Variants in RAB30 observed in about 807,000 individuals in gnomAD.
The protein encoded by RAB30 is ras-related protein Rab-30.
RAB30 carries 9 observed loss-of-function variants against 25.1 expected under a neutral mutation model. The observed-to-expected ratio is 0.36, with a 90% CI of 0.22 to 0.63. RAB30 has a LOEUF of 0.63. RAB30 is among the 20% of genes least tolerant of loss of function. The pLI is 0.69. For missense variants in RAB30, 140 were observed against 243.5 expected (o/e 0.58, Z 2.83); for synonymous variants, 77 against 86.4 (o/e 0.89, Z 0.60).
chr11:83,052,995 A>G (rs1305498582), intron 1 of RAB30, among the ~76,000 whole-genome samples: 1 of 152,184 alleles, frequency 6.6e-6, no homozygotes, highest in Non-Finnish European at 1.5e-5. Context: ...GTGATCTACC[A>G]CCTCAGAGAG....
Position 83,029,395 on chromosome 11 carries a change from T to TTTA in RAB30, c.-8-32074_-8-32072dup, listed in dbSNP as rs559075318. 4.1e-3 allele frequency among the ~76,000 whole-genome samples: 625 copies of TTTA among 151,218 alleles called. 2 individuals carry two copies. Among genetic ancestry groups the TTTA allele is most frequent in the East Asian group, 0.022 (112 of 5,128 alleles). The stretch of plus-strand genomic sequence containing the variant: ...CCTATTTTTTTCTTTGCTTAAATAT[T>TTTA]TTATTATTATTATTATTATTATTTT... On this transcript the variant is annotated intron_variant, in intron 1 of 4. Coordinates refer to ENST00000527633, the MANE Select transcript of RAB30 (RefSeq NM_001286060.2).
intron 1 of RAB30, among the ~76,000 whole-genome samples, chr11:83,005,544 A>C (rs908385646): frequency 2.6e-5 from 4 of 152,214 alleles, no homozygotes; most frequent in Admixed American, 2.6e-4. Context: ...TTTGTGGAAA[A>C]AAATTAAGTT....
chr11:83,064,646 T>C (rs1189107108), intron 1 of RAB30, among the ~76,000 whole-genome samples: 2 of 152,158 alleles, frequency 1.3e-5, no homozygotes, highest in African/African-American at 2.4e-5. Flanking sequence ...GCTGATTAAA[T>C]ACTTGAAATG....
At chr11:83,014,692 A>AAGAAAGAAAGAT (rs1565277255) in intron 1 of RAB30, among the ~76,000 whole-genome samples, 3 of 138,550 alleles carry the variant, frequency 2.2e-5, no homozygotes, top group Non-Finnish European at 4.7e-5. Context: ...GAAAGAAAGA[A>AAGAAAGAAAGAT]AGAGAAAGGA....
intron 1 of RAB30, among the ~76,000 whole-genome samples, chr11:83,013,169 C>T (rs1332321793): frequency 2.0e-5 from 3 of 152,024 alleles, no homozygotes; most frequent in Non-Finnish European, 4.4e-5. Context: ...CTGCAACCTC[C>T]GCCTCCTGGG....
At chr11:82,983,263 C>A (rs978594779) in intron 4 of RAB30, among the ~76,000 whole-genome samples, 60 of 152,060 alleles carry the variant, frequency 3.9e-4, no homozygotes, top group Non-Finnish European at 2.2e-4. Context: ...CCAGACCTCT[C>A]TGAATATACT....
chr11:83,018,126 C>T (rs1298109857), intron 1 of RAB30, among the ~76,000 whole-genome samples: 2 of 151,968 alleles, frequency 1.3e-5, no homozygotes, highest in African/African-American at 4.8e-5. Flanking sequence ...TAGTGAAACC[C>T]TGTCTGTACT....
chr11:83,040,522 C>T (rs781043435), intron 1 of RAB30, among the ~76,000 whole-genome samples: 32 of 148,134 alleles, frequency 2.2e-4, no homozygotes, highest in Admixed American at 3.4e-4. Context: ...ACCTGGGAGG[C>T]GGAGGTTGCA....
Position 82,997,320 on chromosome 11 carries a change from C to T in RAB30, c.-4G>A. 6.2e-7 allele frequency: 1 copy of T among 1,601,934 alleles called. No individual in the cohort carries two copies. Among genetic ancestry groups the T allele is most frequent in the Non-Finnish European group, 8.6e-7 (1 of 1,168,968 alleles). ...AATCATAATCTTCCATACTCATTTA[C>T]ACAGCTGCAAGGCAAACACAGGCAA... On this transcript the variant is annotated 5_prime_UTR_variant, in exon 2 of 5. Coordinates refer to ENST00000527633, the MANE Select transcript of RAB30 (RefSeq NM_001286060.2).
At chr11:83,003,823 C>A (rs1360728951) in intron 1 of RAB30, among the ~76,000 whole-genome samples, 1 of 151,384 alleles carries the variant, frequency 6.6e-6, no homozygotes, top group East Asian at 1.9e-4. Context: ...AAATTTTTTT[C>A]TATAGAATGG....
At chr11:83,014,242 T>C (rs894370314) in intron 1 of RAB30, among the ~76,000 whole-genome samples, 2 of 152,052 alleles carry the variant, frequency 1.3e-5, no homozygotes, top group Admixed American at 6.5e-5. Flanking sequence ...ATATTTAAGA[T>C]GAGAATTGAA....
intron 1 of RAB30, among the ~76,000 whole-genome samples, chr11:83,001,879 A>G (rs1857093417): frequency 6.6e-6 from 1 of 152,228 alleles, no homozygotes; most frequent in Non-Finnish European, 1.5e-5. Flanking sequence ...ATTATTGTTA[A>G]CATTGATAAC....
Position 83,045,228 on chromosome 11 carries a change from A to T in RAB30, c.-9+26463T>A, listed in dbSNP as rs546214527. ...TCTGTAAACATTTTTTTTTATAGAG[A>T]CGAGGTCTCCCTTTGTCACCCAGCC... is the stretch of plus-strand genomic sequence containing the variant. On this transcript the variant is annotated intron_variant, in intron 1 of 4. Coordinates refer to ENST00000527633, the MANE Select transcript of RAB30 (RefSeq NM_001286060.2). Among the ~76,000 whole-genome samples the T allele has an allele frequency of 2.0e-5, 3 of 152,120 alleles. No homozygotes were observed. In the East Asian group the frequency reaches 5.8e-4, roughly 29 times the overall value.
Position 82,987,709 on chromosome 11 carries a change from C to T in RAB30, c.239G>A (p.Arg80Gln). Reference sequence around the variant, plus strand: ...GGTGAGGATCAAGGCATTGGCGCTTCGGTAGTAACTCTGGGTAATGGACCG... The same window carrying T: ...GGTGAGGATCAAGGCATTGGCGCTTTGGTAGTAACTCTGGGTAATGGACCG... ...RFRSITQSYY[R>Q]SANALILTYD... Residue 80 changes from arginine (R) to glutamine (Q), a missense_variant, in exon 4 of 5, where the codon CGA becomes CAA. Physicochemically the swap from Arg to Gln is conservative, Grantham distance 43. Coordinates refer to ENST00000527633, the MANE Select transcript of RAB30 (RefSeq NM_001286060.2). 6.2e-7 allele frequency: 1 copy of T among 1,613,206 alleles called. No homozygotes were observed.
At chr11:83,022,734 G>A (rs984818277) in intron 1 of RAB30, among the ~76,000 whole-genome samples, 2 of 152,032 alleles carry the variant, frequency 1.3e-5, no homozygotes, top group African/African-American at 4.8e-5. Context: ...TTAGTAATGG[G>A]CAATTTAAAA....
At chr11:83,010,379 A>G (rs1857277795) in intron 1 of RAB30, among the ~76,000 whole-genome samples, 1 of 152,172 alleles carries the variant, frequency 6.6e-6, no homozygotes, top group African/African-American at 2.4e-5. Flanking sequence ...TGAGCCTAGA[A>G]GTTAGGCATT....
chr11:82,977,502 C>G lies in RAB30; in HGVS notation c.*4663G>C, dbSNP rs1168631058. 1.3e-5 allele frequency: 2 copies of G among 152,334 alleles called. No homozygotes were observed. Among genetic ancestry groups the G allele is most frequent in the African/African-American group, 4.8e-5 (2 of 41,578 alleles). 9.4% of individuals were successfully genotyped at this position (152,334 alleles called of 1,614,324 possible). On this transcript the variant is annotated 3_prime_UTR_variant, in exon 5 of 5. Transcript: ENST00000527633. ...TCCTCTCCACATCTTTGCCTCTTGA[C>G]AGAGGCTATTACCTGAGGCAGACTG... is the stretch of plus-strand genomic sequence containing the variant.
Position 82,974,398 on chromosome 11 carries a change from G to A in RAB30, c.*7767C>T, listed in dbSNP as rs1268562940. On this transcript the variant is annotated 3_prime_UTR_variant, in exon 5 of 5. Coordinates refer to ENST00000527633, the MANE Select transcript of RAB30 (RefSeq NM_001286060.2). ...AGAAGGTTTTCAGCTAATTGGACTC[G>A]GGTCATCAGTGGGTTATATTTCTAA... 1.3e-5 allele frequency: 2 copies of A among 151,842 alleles called. No individual in the cohort carries two copies. Among genetic ancestry groups the A allele is most frequent in the Non-Finnish European group, 2.9e-5 (2 of 67,978 alleles). 9.4% of individuals were successfully genotyped at this position (151,842 alleles called of 1,614,324 possible).
At chr11:83,009,129 T>C (rs1310680157) in intron 1 of RAB30, among the ~76,000 whole-genome samples, 3 of 151,020 alleles carry the variant, frequency 2.0e-5, no homozygotes, top group African/African-American at 7.3e-5. Flanking sequence ...AGTACAATGG[T>C]GAGATCCCAG....
Sources: allele counts gnomAD v4.1 joint callset (sites outside exome capture counted in the v4.1 genomes callset), GRCh38; gene constraint gnomAD v4.1.1; transcripts MANE v1.5; gene names NCBI Gene and HGNC (gene_info 2026-07-23, HGNC 2026-07-21).